SVIL: variants seen among roughly 807,000 people sequenced by gnomAD.
SVIL encodes the protein supervillin, also known as archvillin.
SVIL carries 101 observed loss-of-function variants against 240.4 expected under a neutral mutation model. The observed-to-expected ratio is 0.42, with a 90% confidence interval of 0.36 to 0.50. The LOEUF is 0.50. Ranked by LOEUF, SVIL falls within the 20% of genes least tolerant of loss-of-function variation. The pLI, the probability that SVIL is intolerant of heterozygous loss-of-function variation, is 0.01. For synonymous variants in SVIL, 999 were observed against 1,100.0 expected, an observed-to-expected ratio of 0.91 and a Z score of 1.82; for missense variants, 2,512 against 2,818.7, an observed-to-expected ratio of 0.89 and a Z score of 2.46.
chr10:29,576,105 C>T (rs778089590), intron 1 of SVIL: 11 of 985,340 alleles, frequency 1.1e-5, no homozygotes, highest in Non-Finnish European at 1.3e-5. Flanking sequence ...TGACTTTTCT[C>T]TCCCGAATAC....
intron 34 of SVIL, among the ~76,000 whole-genome samples, chr10:29,464,063 C>T (rs1331581727): frequency 6.6e-6 from 1 of 152,228 alleles, no homozygotes; most frequent in East Asian, 1.9e-4. Flanking sequence ...GCAGACAGGT[C>T]AGTGGCGTTC....
intron 1 of SVIL, among the ~76,000 whole-genome samples, chr10:29,621,768 T>A (rs1589405105): frequency 1.3e-5 from 2 of 152,154 alleles, no homozygotes; most frequent in Non-Finnish European, 2.9e-5. Flanking sequence ...AGAGTTCTCA[T>A]CCTCTTCTGT....
rs956140000 is a variant in SVIL, at chr10:29,716,945, T to C, written c.-400+18806A>G. 2.6e-5 allele frequency among the ~76,000 whole-genome samples: 4 copies of C among 152,202 alleles called. No individual in the cohort carries two copies. In the South Asian group the frequency reaches 8.3e-4, roughly 31 times the overall value. On this transcript the variant is annotated intron_variant, in intron 1 of 35. Transcript: ENST00000375400. ...AAGAAATGAAGACAAAAATAGGCAC[T>C]GTGGGCTGGGAGCCGTGGCTCACGC...
intron 3 of SVIL, among the ~76,000 whole-genome samples, chr10:29,641,074 T>C (rs1036831960): frequency 2.0e-5 from 3 of 152,140 alleles, no homozygotes; most frequent in Non-Finnish European, 4.4e-5. Flanking sequence ...TAGCAAATCG[T>C]CCCAGATCCT....
intron 6 of SVIL, among the ~76,000 whole-genome samples, chr10:29,543,613 G>A (rs1308359516): frequency 2.6e-5 from 4 of 151,804 alleles, no homozygotes; most frequent in African/African-American, 9.7e-5. Context: ...CCGGGTACAC[G>A]TGCTCTCTTG....
intron 1 of SVIL, among the ~76,000 whole-genome samples, chr10:29,721,662 G>A (rs890236698): frequency 6.6e-6 from 1 of 152,166 alleles, no homozygotes; most frequent in Non-Finnish European, 1.5e-5. Flanking sequence ...GGGACATAAG[G>A]ATCCTAAGGG....
At chr10:29,681,427 G>GTGTA (rs1960640511) in intron 2 of SVIL, among the ~76,000 whole-genome samples, 1 of 151,126 alleles carries the variant, frequency 6.6e-6, no homozygotes, top group South Asian at 2.1e-4. Context: ...GTGTGTGTGT[G>GTGTA]TGTGTGTGTG....
At chr10:29,494,705 A>G (rs1948268358) in intron 20 of SVIL, among the ~76,000 whole-genome samples, 1 of 152,220 alleles carries the variant, frequency 6.6e-6, no homozygotes, top group South Asian at 2.1e-4. Context: ...TCAGTTCACA[A>G]TTCCAATTGG....
intron 3 of SVIL, among the ~76,000 whole-genome samples, chr10:29,655,287 T>G (rs1958962616): frequency 6.6e-6 from 1 of 152,108 alleles, no homozygotes; most frequent in South Asian, 2.1e-4. Flanking sequence ...AAGTCAATAG[T>G]GCAGCCTTCA....
At position 29,575,540 on chromosome 10, in the gene SVIL, A is replaced by G. The variant is rs536338369; in HGVS notation, c.-200-6228T>C. On this transcript the variant is annotated intron_variant, in intron 1 of 37. Coordinates refer to ENST00000355867, the MANE Select transcript of SVIL (RefSeq NM_021738.3). ...GTAAACTATAAATTCTGATTCTTTA[A>G]GTGTTTAAGTTTCCTATAATTCCTA... Among the ~76,000 whole-genome samples, 26 of 152,294 alleles carry G rather than the reference A, an allele frequency of 1.7e-4. No individual in the cohort carries two copies. The South Asian group carries it at 4.6e-3, about 27-fold the overall frequency.
At chr10:29,493,159 G>A (rs2132408935) in intron 21 of SVIL, 55 bp downstream of exon 21, 1 of 1,560,458 alleles carries the variant, frequency 6.4e-7, no homozygotes, top group East Asian at 2.3e-5. Flanking sequence ...TGTGCCCTCT[G>A]CAGGCGAAGG....
At chr10:29,660,103 G>A (rs755865871) in intron 2 of SVIL, among the ~76,000 whole-genome samples, 1 of 152,174 alleles carries the variant, frequency 6.6e-6, no homozygotes, top group Non-Finnish European at 1.5e-5. Context: ...AGGATGGCTT[G>A]AGGCCAGGAG....
At chr10:29,555,018 T>C in intron 4 of SVIL, 33 bp downstream of exon 4, 1 of 1,612,882 alleles carries the variant, frequency 6.2e-7, no homozygotes, top group Non-Finnish European at 8.5e-7. Context: ...CAAGCTCTCT[T>C]CTACTTCCTA....
rs1951469824 is a variant in SVIL at position 29,532,808 on chromosome 10, T to G, written c.1559A>C (p.Gln520Pro). Residue 520 changes from glutamine to proline, a missense_variant, in exon 8 of 38, where the codon CAA becomes CCA. By Grantham distance (76) the Gln-to-Pro change is moderately conservative. Transcript: ENST00000355867. The part of the protein sequence containing the change: ...TGRSEMVLYI[Q>P]SEPVSQDAKP... ...GGCGTCTTGGGACACAGGCTCACTT[T>G]GAATGTAGAGAACCATCTCGCTCCT... 2 of 1,614,028 alleles carry G rather than the reference T, an allele frequency of 1.2e-6. No homozygotes were observed.
intron 12 of SVIL, among the ~76,000 whole-genome samples, chr10:29,529,175 CAAAAAAAAAAA>C (rs66523560): frequency 2.3e-4 from 15 of 66,054 alleles, no homozygotes; most frequent in Middle Eastern, 0.011. Flanking sequence ...GACTCTCTCT[CAAAAAAAAAAA>C]AAAAAAAAAA....
intron 1 of SVIL, among the ~76,000 whole-genome samples, chr10:29,615,492 C>T (rs188909981): frequency 1.2e-3 from 179 of 152,330 alleles, no homozygotes; most frequent in African/African-American, 4.2e-3. Flanking sequence ...GGTTATTCCT[C>T]GCTTGTCACC....
intron 1 of SVIL, among the ~76,000 whole-genome samples, chr10:29,716,622 T>C (rs1288486626): frequency 6.6e-6 from 1 of 152,136 alleles, no homozygotes; most frequent in Admixed American, 6.5e-5. Context: ...TGATGCCATC[T>C]CCCCTCGACA....
chr10:29,495,851 G>A (rs1449387746), intron 18 of SVIL, among the ~76,000 whole-genome samples: 1 of 152,202 alleles, frequency 6.6e-6, no homozygotes, highest in Non-Finnish European at 1.5e-5. Flanking sequence ...AGGAATTCCT[G>A]CATGGAGAAA....
chr10:29,513,115 A>T (rs1949968741), intron 16 of SVIL, among the ~76,000 whole-genome samples: 1 of 152,254 alleles, frequency 6.6e-6, no homozygotes, highest in African/African-American at 2.4e-5. Flanking sequence ...TAAAAGATGC[A>T]CCATCATTCC....
Sources: gnomAD v4.1 joint callset for allele counts (sites outside exome capture counted in the v4.1 genomes callset) on GRCh38, gnomAD v4.1.1 for gene constraint, MANE v1.5 for transcripts, NCBI Gene and HGNC (gene_info 2026-07-23, HGNC 2026-07-21) for gene names.